CDCP2: variants seen among roughly 807,000 people sequenced by gnomAD.
CDCP2 encodes the protein CUB domain-containing protein 2.
A neutral mutation model predicts 31.0 loss-of-function variants in CDCP2; 31 were observed. The observed-to-expected ratio is 1.00, with a 90% confidence interval of 0.75 to 1.35. The LOEUF (loss-of-function observed/expected upper bound fraction) is 1.35. CDCP2 is among the 40% of genes most tolerant of loss of function. The probability of loss-of-function intolerance (pLI) is 0.00; values close to 1 mark genes in which losing one functional copy is unlikely to be tolerated. For synonymous variants in CDCP2, 206 were observed against 207.9 expected (o/e 0.99, Z 0.08); for missense variants, 443 against 482.6 (o/e 0.92, Z 0.77).
chr1:54,141,592 A>G, intron 2 of CDCP2, 159 bp from the exon 3 acceptor site: 1 of 634,188 alleles, frequency 1.6e-6, no homozygotes, highest in Non-Finnish European at 2.8e-6. Flanking sequence ...CAAGTGTAGC[A>G]CGTGCTCAGG....
At chr1:54,141,378 A>G (rs671103) in exon 3 of CDCP2, 1,613,228 of 1,614,104 alleles carry the variant, frequency 1, 806,181 homozygotes, top group Middle Eastern at 1. Context: ...AGTTGTTGGG[A>G]TACTCAGGAC....
intron 1 of CDCP2, among the ~76,000 whole-genome samples, chr1:54,148,938 G>A (rs1360187311): frequency 1.4e-5 from 2 of 147,160 alleles, no homozygotes; most frequent in Non-Finnish European, 3.0e-5. Context: ...ACCTTGTTTG[G>A]ATTCTGATTT....
At chr1:54,152,963 A>G (rs759958254), upstream of CDCP2, 3 of 1,594,412 alleles carry the variant, frequency 1.9e-6, no homozygotes, top group Non-Finnish European at 8.6e-7. Context: ...GAGCTCAGGT[A>G]GGCCAGGATC....
intron 1 of CDCP2, among the ~76,000 whole-genome samples, chr1:54,145,249 A>C (rs1334359630): frequency 1.3e-5 from 2 of 152,122 alleles, no homozygotes; most frequent in Non-Finnish European, 2.9e-5. Context: ...AATATAGTAA[A>C]ATCCCATCTC....
intron 1 of CDCP2, among the ~76,000 whole-genome samples, chr1:54,149,709 A>G (rs745868551): frequency 3.3e-5 from 5 of 152,192 alleles, no homozygotes; most frequent in Non-Finnish European, 5.9e-5. Flanking sequence ...GATTTGGTTC[A>G]GTATCCTGCT....
intron 2 of CDCP2, chr1:54,144,124 T>G (rs1261537566): frequency 4.3e-6 from 1 of 229,920 alleles, no homozygotes; most frequent in Non-Finnish European, 8.5e-6. Context: ...CTGACGACTC[T>G]AGGAGAAACG....
At chr1:54,144,755 G>A in exon 2 of CDCP2, 2 of 1,614,152 alleles carry the variant, frequency 1.2e-6, no homozygotes, top group Non-Finnish European at 1.7e-6. Flanking sequence ...ACAGTCTAGG[G>A]AAGTTGGGGC....
exon 6 of CDCP2, chr1:54,133,137 G>A: frequency 2.5e-6 from 1 of 399,162 alleles, no homozygotes; most frequent in Non-Finnish European, 4.4e-6. Flanking sequence ...CGCAGTGGCA[G>A]CATAGGGCCC....
chr1:54,135,372 C>G (rs1162402482), intron 5 of CDCP2, among the ~76,000 whole-genome samples: 2 of 152,160 alleles, frequency 1.3e-5, no homozygotes, highest in East Asian at 3.8e-4. Context: ...TCTTCCAAAG[C>G]AACTCTATGC....
chr1:54,133,914 A>AAACAAAC (rs1275262427), intron 5 of CDCP2, among the ~76,000 whole-genome samples: 2,531 of 147,798 alleles, frequency 0.017, 61 homozygotes, highest in Non-Finnish European at 0.027. Flanking sequence ...ACAAACAAAC[A>AAACAAAC]AAAAAAACCC....
chr1:54,139,807 G>A (rs1659328926), exon 4 of CDCP2: 1 of 1,614,222 alleles, frequency 6.2e-7, no homozygotes, highest in East Asian at 2.2e-5. Flanking sequence ...TCTGTGTGCA[G>A]CAGAAGCAGA....
chr1:54,141,088 C>T lies in CDCP2; in HGVS notation c.763+10G>A. On this transcript the variant is annotated intron_variant, in intron 3 of 5. Coordinates refer to ENST00000530059, the Ensembl canonical transcript of CDCP2. ...AGGAGGATTCAGGGTGGAGCGCCAG[C>T]CCCTCCTACCTGAGAAGTAGTAGGC... 6.6e-7 allele frequency: 1 copy of T among 1,515,392 alleles called. No homozygotes were observed. The highest frequency in any genetic ancestry group is 8.8e-7 in the Non-Finnish European group (1 of 1,132,534). The allele number at this position is 1,515,392 out of a possible 1,614,324, so 93.9% of individuals were successfully genotyped here.
At chr1:54,150,893 A>C (rs1236784279) in intron 1 of CDCP2, among the ~76,000 whole-genome samples, 2 of 152,236 alleles carry the variant, frequency 1.3e-5, no homozygotes, top group Non-Finnish European at 2.9e-5. Flanking sequence ...TGTGCCCTGT[A>C]CCAGGCTTGT....
chr1:54,140,984 G>A, intron 3 of CDCP2, 114 bp downstream of exon 3: 1 of 840,512 alleles, frequency 1.2e-6, no homozygotes, highest in Non-Finnish European at 1.8e-6. Flanking sequence ...CAGAGAGAGT[G>A]CAGAAAGCTC....
At chr1:54,139,851 A>C (rs1306910727) in exon 4 of CDCP2, 1 of 1,613,920 alleles carries the variant, frequency 6.2e-7, no homozygotes, top group African/African-American at 1.3e-5. Context: ...GGGTGGTGGC[A>C]GGTGGTGTCC....
chr1:54,136,649 G>A (rs1048335909), exon 5 of CDCP2: 2 of 399,058 alleles, frequency 5.0e-6, no homozygotes, highest in Non-Finnish European at 8.8e-6. Flanking sequence ...AGTGCCGCAG[G>A]TATCAAAGCG....
intron 1 of CDCP2, among the ~76,000 whole-genome samples, chr1:54,152,012 G>A (rs1301472364): frequency 6.6e-6 from 1 of 152,210 alleles, no homozygotes; most frequent in African/African-American, 2.4e-5. Context: ...TCCCCTGCCA[G>A]AGCATGGGAT....
At chr1:54,137,356 A>C (rs1054938302) in intron 4 of CDCP2, among the ~76,000 whole-genome samples, 1 of 152,182 alleles carries the variant, frequency 6.6e-6, no homozygotes, top group African/African-American at 2.4e-5. Flanking sequence ...TCTAGCAAAG[A>C]AGAAACAGCG....
chr1:54,141,179 A>G (rs369109081), exon 3 of CDCP2: 1 of 1,586,678 alleles, frequency 6.3e-7, no homozygotes, highest in Non-Finnish European at 8.6e-7. Flanking sequence ...TGGCCCAGAG[A>G]CACGAGGGTG....
Sources: allele counts gnomAD v4.1 joint callset (sites outside exome capture counted in the v4.1 genomes callset), GRCh38; gene constraint gnomAD v4.1.1; transcripts MANE v1.5; gene names NCBI Gene and HGNC (gene_info 2026-07-23, HGNC 2026-07-21).